ZFP14: variants seen among roughly 807,000 people sequenced by gnomAD.
ZFP14 encodes the protein zinc finger protein 14 homolog.
A neutral mutation model predicts 54.5 loss-of-function variants in ZFP14; 22 were observed. That is an observed-to-expected ratio of 0.40 (90% CI 0.29 to 0.58). The LOEUF (loss-of-function observed/expected upper bound fraction) is 0.58. Ranked by LOEUF, ZFP14 falls within the 20% of genes least tolerant of loss-of-function variation. The pLI is 0.39. For missense variants in ZFP14, 470 were observed against 637.8 expected, an observed-to-expected ratio of 0.74 and a Z score of 2.83; for synonymous variants, 159 against 204.0, an observed-to-expected ratio of 0.78 and a Z score of 1.88.
chr19:36,368,004 T>C (rs1306341717), intron 1 of ZFP14, 33 bp from the exon 2 acceptor site: 10 of 1,290,410 alleles, frequency 7.7e-6, no homozygotes, highest in Non-Finnish European at 9.5e-6. Context: ...TGAAATAAGC[T>C]GCGCCACAGA....
At position 36,355,456 on chromosome 19, in the gene ZFP14, T is replaced by G. The variant is rs2031597565; in HGVS notation, c.235+4979A>C. Among the ~76,000 whole-genome samples the G allele has an allele frequency of 1.4e-5, 2 of 141,468 alleles. 1 individual carries two copies. Among genetic ancestry groups the G allele is most frequent in the East Asian group, 4.2e-4 (2 of 4,742 alleles). The allele number at this position is 141,468 out of a possible 152,430, so 92.8% of individuals were successfully genotyped here. A position where few individuals can be genotyped will look rare whatever the true frequency, so the allele number is the denominator to read the frequency against. On this transcript the variant is annotated intron_variant, in intron 4 of 4. Coordinates refer to ENST00000270001, the MANE Select transcript of ZFP14 (RefSeq NM_020917.3). ...ACCTTGGGAGGCAGAGGTATGAGGA[T>G]CACTTGAGCCCAGGAGTTCAAGAAC...
intron 4 of ZFP14, among the ~76,000 whole-genome samples, chr19:36,352,764 AC>A (rs1283497397): frequency 2.1e-5 from 3 of 141,208 alleles, no homozygotes; most frequent in East Asian, 4.2e-4. Flanking sequence ...ACACGGTGAA[AC>A]CCCGTCTCTA....
In ZFP14 at chr19:36,353,935, G is replaced by A. The variant is rs184164145; in HGVS notation, c.235+6500C>T. On this transcript the variant is annotated intron_variant, in intron 4 of 4. Coordinates refer to ENST00000270001, the MANE Select transcript of ZFP14 (RefSeq NM_020917.3). ...ACAAAAAATACAAAAATTTTCCAGCGGTGGTGGCATGCGCCTGTAGTCCCA... is the reference window on the plus strand; with the variant it reads ...ACAAAAAATACAAAAATTTTCCAGCAGTGGTGGCATGCGCCTGTAGTCCCA... Among the ~76,000 whole-genome samples, 8 of 136,072 alleles carry A rather than the reference G, an allele frequency of 5.9e-5. 3 individuals carry two copies. The East Asian group carries it at 8.7e-4, about 15-fold the overall frequency. 89.3% of individuals were successfully genotyped at this position (136,072 alleles called of 152,430 possible). A position where few individuals can be genotyped will look rare whatever the true frequency, so the allele number is the denominator to read the frequency against.
At chr19:36,371,804 A>T (rs1383335697) in intron 1 of ZFP14, among the ~76,000 whole-genome samples, 2 of 152,096 alleles carry the variant, frequency 1.3e-5, no homozygotes, top group African/African-American at 2.4e-5. Context: ...ATAATTTTTT[A>T]AAAATAAGCC....
intron 2 of ZFP14, among the ~76,000 whole-genome samples, chr19:36,366,390 T>G (rs533341810): frequency 6.2e-4 from 94 of 152,106 alleles, no homozygotes; most frequent in Non-Finnish European, 9.6e-4. Context: ...GCGATCTCGG[T>G]TCACTGTAAC....
At position 36,352,927 on chromosome 19, in the gene ZFP14, C is replaced by T. The variant is rs529403535; in HGVS notation, c.235+7508G>A. Reference sequence around the variant, plus strand: ...CTGCACTCCAGCCCGGGCGACAGAGCGAGACTCTGTCTCAAAAAAAAAAAA... The same window carrying T: ...CTGCACTCCAGCCCGGGCGACAGAGTGAGACTCTGTCTCAAAAAAAAAAAA... On this transcript the variant is annotated intron_variant, in intron 4 of 4. Coordinates refer to ENST00000270001, the MANE Select transcript of ZFP14 (RefSeq NM_020917.3). Among the ~76,000 whole-genome samples, 146 of 126,666 alleles carry T rather than the reference C, an allele frequency of 1.2e-3. 10 individuals are homozygous for T. Among genetic ancestry groups the T allele is most frequent in the African/African-American group, 4.4e-3 (141 of 31,852 alleles). 83.1% of individuals were successfully genotyped at this position (126,666 alleles called of 152,430 possible). A position where few individuals can be genotyped will look rare whatever the true frequency, so the allele number is the denominator to read the frequency against.
chr19:36,374,820 G>A lies in ZFP14; in HGVS notation c.-80+4343C>T, dbSNP rs141444312. 6.4e-3 allele frequency among the ~76,000 whole-genome samples: 975 copies of A among 152,284 alleles called. 11 individuals are homozygous for A. Among genetic ancestry groups the A allele is most frequent in the African/African-American group, 0.022 (917 of 41,554 alleles). On this transcript the variant is annotated intron_variant, in intron 1 of 4. Transcript: ENST00000270001. ...GCAACACGCACCACCACATTAAACA[G>A]AGTGTGAGCCTGAAATACCCAAATA...
At chr19:36,369,568 G>A (rs113119923) in intron 1 of ZFP14, among the ~76,000 whole-genome samples, 5,943 of 151,696 alleles carry the variant, frequency 0.039, 356 homozygotes, top group African/African-American at 0.14. Context: ...CTGCCACTAC[G>A]CCCGGCTAAT....
At chr19:36,374,985 C>CTCTA (rs978779758) in intron 1 of ZFP14, among the ~76,000 whole-genome samples, 8 of 151,774 alleles carry the variant, frequency 5.3e-5, no homozygotes, top group South Asian at 2.1e-4. Flanking sequence ...CATGAACCAA[C>CTCTA]TCTATGATTT....
In ZFP14 at chr19:36,367,889, C is replaced by T. The variant is rs1281326838; in HGVS notation, c.4G>A (p.Ala2Thr). 1 of 1,611,670 alleles carries T rather than the reference C, an allele frequency of 6.2e-7. No individual in the cohort carries two copies. Among genetic ancestry groups the T allele is most frequent in the African/African-American group, 1.3e-5 (1 of 74,816 alleles). Residue 2 changes from alanine to threonine, a missense_variant, in exon 2 of 5, where the codon GCC becomes ACC. Transcript: ENST00000270001. M[A>T]HGSVTFRDVA... ...ACAGAGAAACATTAACTTACATGGGCCATGGTTTTAGAACTGCAAAAACTG... is the reference window on the plus strand; with the variant it reads ...ACAGAGAAACATTAACTTACATGGGTCATGGTTTTAGAACTGCAAAAACTG...
chr19:36,354,703 C>A (rs2031585491), intron 4 of ZFP14, among the ~76,000 whole-genome samples: 1 of 142,542 alleles, frequency 7.0e-6, no homozygotes, highest in Non-Finnish European at 1.6e-5. Flanking sequence ...TTGCCAACTT[C>A]CATTCTCACC....
chr19:36,345,322 C>T (rs1221644837), intron 4 of ZFP14, among the ~76,000 whole-genome samples: 1 of 152,126 alleles, frequency 6.6e-6, no homozygotes, highest in Non-Finnish European at 1.5e-5. Flanking sequence ...TATCCATTCC[C>T]ATGTAGCCAA....
intron 1 of ZFP14, 57 bp from the exon 2 acceptor site, chr19:36,368,028 T>A: frequency 9.7e-7 from 1 of 1,029,532 alleles, no homozygotes; most frequent in Non-Finnish European, 1.4e-6. Context: ...CCCAAAATGA[T>A]GTACATCATA....
rs942724249 is a variant in ZFP14, at chr19:36,375,836, C to T, written c.-80+3327G>A. Among the ~76,000 whole-genome samples, 8 of 151,944 alleles carry T rather than the reference C, an allele frequency of 5.3e-5. No individual in the cohort carries two copies. In the South Asian group the frequency reaches 1.2e-3, roughly 24 times the overall value. On this transcript the variant is annotated intron_variant, in intron 1 of 4. Transcript: ENST00000270001. ...CCTCCCAAAGTGCTGGGATTACAGG[C>T]GTGAGCCACCGCGCCCCGCCTAATT...
chr19:36,356,555 C>G (rs527532399), intron 4 of ZFP14, among the ~76,000 whole-genome samples: 71 of 152,196 alleles, frequency 4.7e-4, no homozygotes, highest in African/African-American at 1.7e-3. Flanking sequence ...GGTAGCCTCG[C>G]AAAACCACCA....
At chr19:36,347,595 T>TCCTC (rs1440198376) in intron 4 of ZFP14, among the ~76,000 whole-genome samples, 1 of 147,122 alleles carries the variant, frequency 6.8e-6, no homozygotes, top group East Asian at 2.0e-4. Context: ...GGTGACAGAG[T>TCCTC]GAGGCTCCAT....
chr19:36,365,469 G>A (rs1342137003), intron 2 of ZFP14, among the ~76,000 whole-genome samples: 4 of 152,098 alleles, frequency 2.6e-5, no homozygotes, highest in Admixed American at 6.6e-5. Context: ...CAACAAGAAC[G>A]TGATAGCGGG....
At chr19:36,348,202 G>A (rs2031453578) in intron 4 of ZFP14, among the ~76,000 whole-genome samples, 2 of 152,198 alleles carry the variant, frequency 1.3e-5, no homozygotes, top group Admixed American at 1.3e-4. Context: ...AATACTACAG[G>A]GATTTGAATT....
In ZFP14 at chr19:36,341,920, C is replaced by T. The variant is rs184083945; in HGVS notation, c.236-330G>A. ...AGGCTGGAGTGCAGTAGTGCGATCC[C>T]GGCTCACTGAAAGCTCCGCCTCCCG... On this transcript the variant is annotated intron_variant, in intron 4 of 4. Transcript: ENST00000270001. The surrounding 1 kb of genome is among the most constrained non-coding windows in gnomAD (Gnocchi z 4.2). Among the ~76,000 whole-genome samples, 6 of 152,010 alleles carry T rather than the reference C, an allele frequency of 3.9e-5. No homozygotes were observed. In the East Asian group the frequency reaches 5.8e-4, roughly 15 times the overall value.
Sources: allele counts gnomAD v4.1 joint callset (sites outside exome capture counted in the v4.1 genomes callset), GRCh38; gene constraint gnomAD v4.1.1; non-coding constraint Gnocchi (gnomAD v3.1); transcripts MANE v1.5; gene names NCBI Gene and HGNC (gene_info 2026-07-23, HGNC 2026-07-21).